The following EPB41L1 variants were observed in gnomAD, a reference collection of about 807,000 sequenced individuals.
The protein encoded by EPB41L1 is band 4.1-like protein 1.
EPB41L1 carries 29 observed loss-of-function variants against 97.8 expected under a neutral mutation model. That is an observed-to-expected ratio of 0.30 (90% CI 0.22 to 0.40). The LOEUF (loss-of-function observed/expected upper bound fraction) is 0.40. Among genes scored for constraint, EPB41L1 ranks in the 10% least tolerant of loss-of-function variants. The pLI is 1.00. For missense variants in EPB41L1, 812 were observed against 1,162.3 expected, an observed-to-expected ratio of 0.70 and a Z score of 4.38; for synonymous variants, 383 against 459.2, an observed-to-expected ratio of 0.83 and a Z score of 2.12.
At chr20:36,111,991 G>A (rs896442268) in intron 1 of EPB41L1, among the ~76,000 whole-genome samples, 2 of 151,870 alleles carry the variant, frequency 1.3e-5, no homozygotes, top group African/African-American at 2.4e-5. Flanking sequence ...CAAGTTCTGG[G>A]GATACCACCT....
chr20:36,167,500 A>G (rs930301013), intron 1 of EPB41L1, among the ~76,000 whole-genome samples: 1 of 152,068 alleles, frequency 6.6e-6, no homozygotes, highest in Non-Finnish European at 1.5e-5. Context: ...TGAGCTCAGG[A>G]GTTCAAGACC....
At chr20:36,106,035 A>C (rs1471646093) in intron 1 of EPB41L1, among the ~76,000 whole-genome samples, 1 of 152,096 alleles carries the variant, frequency 6.6e-6, no homozygotes, top group African/African-American at 2.4e-5. Flanking sequence ...GCCTTAGTCC[A>C]AGGGCCTCTG....
In EPB41L1 at chr20:36,212,481, C is replaced by A; in HGVS notation, c.2184+105C>A. The A allele has an allele frequency of 1.1e-6, 1 of 926,934 alleles. No individual in the cohort carries two copies. Among genetic ancestry groups the A allele is most frequent in the Non-Finnish European group, 1.7e-6 (1 of 581,126 alleles). The allele number at this position is 926,934 out of a possible 1,614,324, so 57.4% of individuals were successfully genotyped here. On this transcript the variant is annotated intron_variant, in intron 16 of 21. Coordinates refer to ENST00000338074, the MANE Select transcript of EPB41L1 (RefSeq NM_012156.2). The surrounding 1 kb of genome is among the most constrained non-coding windows in gnomAD (Gnocchi z 4.8). ...CCTTGGCCAGCTCTTTTAATCTCAG[C>A]TTCCCTGGAACCCATATGTTAATCC...
intron 11 of EPB41L1, among the ~76,000 whole-genome samples, chr20:36,192,531 C>CAAAAAAAAAAAAAAAAAA (rs57675036): frequency 2.2e-5 from 1 of 46,422 alleles, no homozygotes. Flanking sequence ...GACTCCGTCT[C>CAAAAAAAAAAAAAAAAAA]AAAAAAAAAA....
upstream of EPB41L1, among the ~76,000 whole-genome samples, chr20:36,150,172 A>C (rs1239008393): frequency 6.6e-6 from 1 of 151,936 alleles, no homozygotes; most frequent in Non-Finnish European, 1.5e-5. Context: ...GGTTCAAGCA[A>C]TTATTCTCCT....
chr20:36,190,677 C>T lies in EPB41L1; in HGVS notation c.1180C>T (p.Arg394Trp), dbSNP rs756672064. The change falls in exon 11 of 22, where the codon CGG (arginine) becomes TGG (tryptophan). Residue 394 changes from arginine to tryptophan, a missense_variant. Coordinates refer to ENST00000338074, the MANE Select transcript of EPB41L1 (RefSeq NM_012156.2). This position sits in a 1 kb window ranked among gnomAD's most constrained non-coding sequence, Gnocchi z 5.8. ...KGFLVMGSKF[R>W]YSGRTQAQTR... ...CTTCCTGGTGATGGGCTCCAAGTTC[C>T]GGTACAGTGGGAGGACCCAGGCACA... 12 of 1,613,914 alleles carry T rather than the reference C, an allele frequency of 7.4e-6. No homozygotes were observed. The highest frequency in any genetic ancestry group is 1.7e-5 in the Admixed American group (1 of 59,982).
Position 36,190,897 on chromosome 20 carries a change from T to C in EPB41L1, c.1300+100T>C. On this transcript the variant is annotated intron_variant, in intron 11 of 21. Transcript: ENST00000338074. This position sits in a 1 kb window ranked among gnomAD's most constrained non-coding sequence, Gnocchi z 5.8. ...GCAGAATGAGCAGGAAAATGGTAGA[T>C]GCATCCCAAGTTCATCTGCACCAGG... 2 of 1,491,740 alleles carry C rather than the reference T, an allele frequency of 1.3e-6. No homozygotes were observed. Among genetic ancestry groups the C allele is most frequent in the Non-Finnish European group, 9.1e-7 (1 of 1,099,716 alleles). The allele number at this position is 1,491,740 out of a possible 1,614,324, so 92.4% of individuals were successfully genotyped here. A position where few individuals can be genotyped will look rare whatever the true frequency, so the allele number is the denominator to read the frequency against.
intron 1 of EPB41L1, among the ~76,000 whole-genome samples, chr20:36,104,539 G>A (rs187762448): frequency 6.6e-6 from 1 of 152,242 alleles, no homozygotes; most frequent in East Asian, 1.9e-4. Flanking sequence ...GAGGCTTTAT[G>A]GCAGAGAGAG....
intron 2 of EPB41L1, among the ~76,000 whole-genome samples, chr20:36,117,101 G>A (rs1056488935): frequency 6.6e-6 from 1 of 152,130 alleles, no homozygotes; most frequent in African/African-American, 2.4e-5. Flanking sequence ...ATGGAAAACT[G>A]CCCCTTCCCT....
chr20:36,208,066 C>T (rs1211898706), intron 14 of EPB41L1, among the ~76,000 whole-genome samples: 1 of 152,304 alleles, frequency 6.6e-6, no homozygotes, highest in East Asian at 1.9e-4. Context: ...GAGAAGGTGG[C>T]GCCACCACCA....
chr20:36,095,262 G>A (rs753367374), intron 1 of EPB41L1, among the ~76,000 whole-genome samples: 3 of 152,002 alleles, frequency 2.0e-5, no homozygotes, highest in East Asian at 3.9e-4. Flanking sequence ...ATGAGCCACC[G>A]TGCTCGGCCT....
At chr20:36,118,161 C>T (rs1040285982) in intron 2 of EPB41L1, among the ~76,000 whole-genome samples, 2 of 152,160 alleles carry the variant, frequency 1.3e-5, no homozygotes, top group African/African-American at 2.4e-5. Flanking sequence ...TGGACTAATA[C>T]GATGGGCCTT....
chr20:36,206,619 C>T lies in EPB41L1; in HGVS notation c.1669-2869C>T, dbSNP rs1302577559. 1 of 1,289,818 alleles carries T rather than the reference C, an allele frequency of 7.8e-7. No individual in the cohort carries two copies. Among genetic ancestry groups the T allele is most frequent in the Admixed American group, 2.3e-5 (1 of 43,568 alleles). The allele number at this position is 1,289,818 out of a possible 1,614,324, so 79.9% of individuals were successfully genotyped here. ...ACCTGAGGGTTTCTGCTGCTGCTTC[C>T]AGCAGGAGCAAGGACGAAGCCCACA... On this transcript the variant is annotated intron_variant, in intron 14 of 21. Coordinates refer to ENST00000338074, the MANE Select transcript of EPB41L1 (RefSeq NM_012156.2). The surrounding 1 kb of genome is among the most constrained non-coding windows in gnomAD (Gnocchi z 5.5).
Position 36,230,069 on chromosome 20 carries a change from T to G in EPB41L1, c.*729T>G. On this transcript the variant is annotated 3_prime_UTR_variant, in exon 22 of 22. Coordinates refer to ENST00000338074, the MANE Select transcript of EPB41L1 (RefSeq NM_012156.2). ...TTCTGTCTCGGCTCCCTCCTCCCCC[T>G]TCCCCCTTCCCCCACCCCACACCCT... 1 of 98,880 alleles carries G rather than the reference T, an allele frequency of 1.0e-5. No homozygotes were observed. Among genetic ancestry groups the G allele is most frequent in the East Asian group, 3.0e-4 (1 of 3,328 alleles). The allele number at this position is 98,880 out of a possible 1,614,324, so 6.1% of individuals were successfully genotyped here.
rs1033634508 is a variant in EPB41L1 at position 36,185,215 on chromosome 20, C to T, written c.665C>T (p.Ala222Val). The change falls in exon 7 of 22, where the codon GCT becomes GTT. Residue 222 changes from alanine to valine, a missense_variant. Physicochemically the swap from Ala to Val is moderately conservative, Grantham distance 64 (BLOSUM62 0). Around this residue, in one of 3 missense-constraint regions of EPB41L1, gnomAD observed 230 missense variants for 445.2 expected, o/e 0.52. Coordinates refer to ENST00000338074, the MANE Select transcript of EPB41L1 (RefSeq NM_012156.2). ...CTACTGGGCTCCTACGCTGTGCAGG[C>T]TGAGCTGGGTGACTATGATGCTGAG... ...HALLGSYAVQ[A>V]ELGDYDAEEH... is the part of the protein sequence containing the mutation. 1.2e-6 allele frequency: 2 copies of T among 1,613,820 alleles called. No individual in the cohort carries two copies. The highest frequency in any genetic ancestry group is 1.3e-5 in the African/African-American group (1 of 75,034).
At position 36,185,480 on chromosome 20, in the gene EPB41L1, A is replaced by T. The variant is rs371093132; in HGVS notation, c.785+145A>T. On this transcript the variant is annotated intron_variant, in intron 7 of 21. Coordinates refer to ENST00000338074, the MANE Select transcript of EPB41L1 (RefSeq NM_012156.2). Reference sequence around the variant, plus strand: ...CTAGCTTGAGGTATATCTAAGAGCAAATCATCTCTGTAAATAGGAACGATA... The same window carrying T: ...CTAGCTTGAGGTATATCTAAGAGCATATCATCTCTGTAAATAGGAACGATA... 1.3e-5 allele frequency: 10 copies of T among 782,344 alleles called. No homozygotes were observed. In the Middle Eastern group the frequency reaches 1.0e-3, roughly 82 times the overall value. 48.5% of individuals were successfully genotyped at this position (782,344 alleles called of 1,614,324 possible).
In EPB41L1 at chr20:36,176,206, G is replaced by A. The variant is rs140356734; in HGVS notation, c.342+491G>A. ...TGGCAAGCCCATCACCACGTCACAG[G>A]GAGGCGGCCCATTGGGAAGATGTCA... On this transcript the variant is annotated intron_variant, in intron 3 of 21. Coordinates refer to ENST00000338074, the MANE Select transcript of EPB41L1 (RefSeq NM_012156.2). 2.4e-4 allele frequency among the ~76,000 whole-genome samples: 36 copies of A among 152,326 alleles called. No individual in the cohort carries two copies. In the South Asian group the frequency reaches 2.7e-3, roughly 11 times the overall value.
At chr20:36,116,856 T>G (rs953159670) in intron 2 of EPB41L1, among the ~76,000 whole-genome samples, 1 of 152,108 alleles carries the variant, frequency 6.6e-6, no homozygotes, top group Non-Finnish European at 1.5e-5. Flanking sequence ...GGTGGGAAAT[T>G]GGGGGAAGAG....
intron 2 of EPB41L1, among the ~76,000 whole-genome samples, chr20:36,143,909 G>A (rs1025477536): frequency 2.6e-5 from 4 of 151,682 alleles, no homozygotes; most frequent in Non-Finnish European, 5.9e-5. Context: ...CTGGAGTGCA[G>A]TGGCGCGATT....
Sources: gnomAD v4.1 joint callset for allele counts (sites outside exome capture counted in the v4.1 genomes callset) on GRCh38, gnomAD v4.1.1 for gene constraint, gnomAD v4.1.1 regional missense constraint, Gnocchi (gnomAD v3.1) non-coding constraint, MANE v1.5 for transcripts, NCBI Gene and HGNC (gene_info 2026-07-23, HGNC 2026-07-21) for gene names.